Variants in CYSTM1 observed in about 807,000 individuals in gnomAD.
CYSTM1 encodes cysteine rich transmembrane module containing 1.
In CYSTM1, 4 loss-of-function variants were observed where a neutral mutation model predicts 13.1. The ratio of observed to expected loss-of-function variants is 0.31; its 90% CI spans 0.15 to 0.70. The LOEUF (loss-of-function observed/expected upper bound fraction) is 0.70, where lower values mean the gene tolerates loss of function less well. Ranked by LOEUF, CYSTM1 falls within the 30% of genes least tolerant of loss-of-function variation. The pLI, the probability that CYSTM1 is intolerant of heterozygous loss-of-function variation, is 0.72. For missense variants in CYSTM1, 96 were observed against 121.6 expected (o/e 0.79, Z 0.99); for synonymous variants, 36 against 42.7 (o/e 0.84, Z 0.62).
At chr5:140,200,557 C>CTTGTTTTTT (rs1764213949) in intron 2 of CYSTM1, 1 of 78,730 alleles carries the variant, frequency 1.3e-5, no homozygotes, top group Non-Finnish European at 2.3e-5. Context: ...TCCCCCCGGC[C>CTTGTTTTTT]TTTTTTTTTT....
At chr5:140,180,011 T>TTGGAGTGCC (rs1182359450) in intron 1 of CYSTM1, among the ~76,000 whole-genome samples, 1 of 152,184 alleles carries the variant, frequency 6.6e-6, no homozygotes, top group Non-Finnish European at 1.5e-5. Context: ...TTGGCTTTTT[T>TTGGAGTGCC]TGGAGTGCCT....
chr5:140,184,766 C>A (rs1763997294), intron 1 of CYSTM1, among the ~76,000 whole-genome samples: 1 of 152,194 alleles, frequency 6.6e-6, no homozygotes, highest in Non-Finnish European at 1.5e-5. Flanking sequence ...AAGGTTTTAG[C>A]AGATGATATG....
At chr5:140,184,663 C>T (rs891148367) in intron 1 of CYSTM1, among the ~76,000 whole-genome samples, 1 of 152,126 alleles carries the variant, frequency 6.6e-6, no homozygotes, top group South Asian at 2.1e-4. Context: ...GTAGTAATGT[C>T]TTTTTTCCCA....
At chr5:140,218,432 C>T (rs1248761223) in intron 2 of CYSTM1, among the ~76,000 whole-genome samples, 1 of 152,128 alleles carries the variant, frequency 6.6e-6, no homozygotes, top group Non-Finnish European at 1.5e-5. Context: ...TACAGAATAC[C>T]CGCTGTATAC....
At chr5:140,238,812 C>T (rs539845764) in intron 2 of CYSTM1, among the ~76,000 whole-genome samples, 3 of 152,244 alleles carry the variant, frequency 2.0e-5, no homozygotes, top group Admixed American at 6.5e-5. Context: ...TGGTTGGCCT[C>T]CTTCTGTCGG....
intron 2 of CYSTM1, chr5:140,200,557 C>CTTTTTTTTTTTTTTTTTT (rs57173526): frequency 7.6e-5 from 6 of 78,712 alleles, no homozygotes; most frequent in African/African-American, 2.6e-4. Context: ...TCCCCCCGGC[C>CTTTTTTTTTTTTTTTTTT]TTTTTTTTTT....
chr5:140,186,971 C>G (rs1258091682), intron 1 of CYSTM1, among the ~76,000 whole-genome samples: 1 of 151,908 alleles, frequency 6.6e-6, no homozygotes, highest in African/African-American at 2.4e-5. Flanking sequence ...ACTAAAAATA[C>G]AAAAATTAGC....
At chr5:140,226,613 A>ATATATATATATATATATATATATAT (rs61099181) in intron 2 of CYSTM1, among the ~76,000 whole-genome samples, 17 of 85,240 alleles carry the variant, frequency 2.0e-4, no homozygotes, top group South Asian at 9.4e-4. Context: ...TATATATATA[A>ATATATATATATATATATATATATAT]AAATTAGCCA....
intron 2 of CYSTM1, among the ~76,000 whole-genome samples, chr5:140,208,612 A>G (rs1202236173): frequency 6.6e-6 from 1 of 152,220 alleles, no homozygotes; most frequent in East Asian, 1.9e-4. Context: ...CAAAGGATAA[A>G]TACTTGAGGG....
chr5:140,182,457 A>G lies in CYSTM1; in HGVS notation c.-21+7172A>G, dbSNP rs543664837. Among the ~76,000 whole-genome samples, 7 of 152,268 alleles carry G rather than the reference A, an allele frequency of 4.6e-5. No individual in the cohort carries two copies. The South Asian group carries it at 1.4e-3, about 32-fold the overall frequency. On this transcript the variant is annotated intron_variant, in intron 1 of 2. Coordinates refer to ENST00000261811, the MANE Select transcript of CYSTM1 (RefSeq NM_032412.4). ...TTCTGTTTTGATCTGAAGTTTGCCA[A>G]AAAGAGGCCTGAGTGGTGGTGAGGC...
intron 1 of CYSTM1, among the ~76,000 whole-genome samples, chr5:140,188,070 CT>C (rs71276334): frequency 4.1e-3 from 545 of 133,444 alleles, no homozygotes; most frequent in African/African-American, 4.9e-3. Flanking sequence ...TTAATTTTAA[CT>C]TTTTTTTTTT....
At chr5:140,225,227 A>C (rs902173319) in intron 2 of CYSTM1, among the ~76,000 whole-genome samples, 2 of 152,254 alleles carry the variant, frequency 1.3e-5, no homozygotes, top group African/African-American at 4.8e-5. Context: ...GCCATGCAAC[A>C]AACTGTTTTC....
chr5:140,226,195 T>C (rs1581070845), intron 2 of CYSTM1, among the ~76,000 whole-genome samples: 1 of 152,246 alleles, frequency 6.6e-6, no homozygotes, highest in East Asian at 1.9e-4. Flanking sequence ...AGCAACCCTA[T>C]GATGGGGTAT....
At chr5:140,191,899 A>G (rs1764099632) in intron 1 of CYSTM1, among the ~76,000 whole-genome samples, 1 of 152,244 alleles carries the variant, frequency 6.6e-6, no homozygotes, top group South Asian at 2.1e-4. Context: ...GAGAGGAAAT[A>G]AAATGCATTT....
intron 1 of CYSTM1, among the ~76,000 whole-genome samples, chr5:140,183,359 A>G (rs1047144322): frequency 6.6e-6 from 1 of 152,070 alleles, no homozygotes; most frequent in African/African-American, 2.4e-5. Flanking sequence ...CTTCTGTTCA[A>G]TACTGCCCTC....
chr5:140,179,736 C>T (rs1763941226), intron 1 of CYSTM1, among the ~76,000 whole-genome samples: 1 of 151,592 alleles, frequency 6.6e-6, no homozygotes, highest in Non-Finnish European at 1.5e-5. Flanking sequence ...TCTCAGCTCA[C>T]TGCAACCTCT....
At chr5:140,237,159 CCATATCTCAAT>C (rs942458411) in intron 2 of CYSTM1, among the ~76,000 whole-genome samples, 17 of 152,306 alleles carry the variant, frequency 1.1e-4, no homozygotes, top group African/African-American at 3.4e-4. Context: ...AGAGTTCACT[CCATATCTCAAT>C]TGACTGTTGG....
rs897241698 is a variant in CYSTM1, at chr5:140,219,311, A to G, written c.188-23994A>G. Among the ~76,000 whole-genome samples the G allele has an allele frequency of 3.3e-5, 5 of 152,152 alleles. No homozygotes were observed. The highest frequency in any genetic ancestry group is 1.2e-4 in the African/African-American group (5 of 41,418). ...TACGAAACAGCAGGAATTGCGGTGG[A>G]TAATTTGGCATAGCCCAGGCACCCT... On this transcript the variant is annotated intron_variant, in intron 2 of 2. Transcript: ENST00000261811. The surrounding 1 kb of genome is among the most constrained non-coding windows in gnomAD (Gnocchi z 4.1).
intron 1 of CYSTM1, among the ~76,000 whole-genome samples, chr5:140,187,279 TA>T (rs1235172779): frequency 6.7e-6 from 1 of 148,534 alleles, no homozygotes; most frequent in Non-Finnish European, 1.5e-5. Context: ...AAGGTTTTGT[TA>T]AAAAAACAGC....
Sources: allele counts gnomAD v4.1 joint callset (sites outside exome capture counted in the v4.1 genomes callset), GRCh38; gene constraint gnomAD v4.1.1; non-coding constraint Gnocchi (gnomAD v3.1); transcripts MANE v1.5; gene names NCBI Gene and HGNC (gene_info 2026-07-23, HGNC 2026-07-21).